Variants in HTR2B observed in about 807,000 individuals in gnomAD.
HTR2B encodes the protein 5-hydroxytryptamine receptor 2B, also known as 5-HT 2B receptor.
In HTR2B, 31 loss-of-function variants were observed where a neutral mutation model predicts 39.8. The ratio of observed to expected loss-of-function variants is 0.78; its 90% CI spans 0.58 to 1.05. The LOEUF is 1.05. Among genes scored for constraint, HTR2B ranks in the 50% least tolerant of loss-of-function variants. HTR2B has a pLI of 0.00. For missense variants in HTR2B, 562 were observed against 578.0 expected, an observed-to-expected ratio of 0.97 and a Z score of 0.28; for synonymous variants, 210 against 207.1, an observed-to-expected ratio of 1.01 and a Z score of -0.12.
chr2:231,117,516 G>A (rs911020767), intron 2 of HTR2B, among the ~76,000 whole-genome samples: 1 of 152,040 alleles, frequency 6.6e-6, no homozygotes, highest in Non-Finnish European at 1.5e-5. Flanking sequence ...GAATATTAAA[G>A]CAACAAAACA....
At chr2:231,114,557 C>T (rs1260453821) in intron 2 of HTR2B, among the ~76,000 whole-genome samples, 1 of 152,118 alleles carries the variant, frequency 6.6e-6, no homozygotes, top group East Asian at 1.9e-4. Flanking sequence ...GTTTCCCCTT[C>T]TATATTTCAT....
At chr2:231,113,621 G>T in intron 3 of HTR2B, 108 bp downstream of exon 3, 1 of 936,000 alleles carries the variant, frequency 1.1e-6, no homozygotes, top group Non-Finnish European at 1.8e-6. Context: ...CAGTAGGCTG[G>T]CTTGACCTCT....
Position 231,113,946 on chromosome 2 carries a change from C to T in HTR2B, c.353-17G>A. The T allele has an allele frequency of 6.2e-7, 1 of 1,604,074 alleles. No individual in the cohort carries two copies. The highest frequency in any genetic ancestry group is 1.3e-5 in the African/African-American group (1 of 74,802). ...ACATAGCCTCTGAAAGAAACAAAAA[C>T]AAGACAAACATTTTATTCTATAAAA... On this transcript the variant is annotated splice_polypyrimidine_tract_variant and intron_variant, in intron 2 of 3. Coordinates refer to ENST00000258400, the MANE Select transcript of HTR2B (RefSeq NM_000867.5).
At chr2:231,119,904 C>T (rs1052798299) in intron 2 of HTR2B, among the ~76,000 whole-genome samples, 3 of 148,448 alleles carry the variant, frequency 2.0e-5, no homozygotes, top group African/African-American at 7.4e-5. Flanking sequence ...TATAAATAAA[C>T]CAATAACACC....
At chr2:231,117,872 G>A (rs1352694958) in intron 2 of HTR2B, among the ~76,000 whole-genome samples, 1 of 152,096 alleles carries the variant, frequency 6.6e-6, no homozygotes, top group Non-Finnish European at 1.5e-5. Flanking sequence ...CCCTAGGGGG[G>A]AAAAAATTCT....
At position 231,123,692 on chromosome 2, in the gene HTR2B, G is replaced by C. The variant is rs761955519; in HGVS notation, c.73C>G (p.His25Asp). 6.2e-7 allele frequency: 1 copy of C among 1,614,084 alleles called. No homozygotes were observed. Among genetic ancestry groups the C allele is most frequent in the Admixed American group, 1.7e-5 (1 of 60,020 alleles). Residue 25 changes from histidine (H) to aspartate (D), a missense_variant, in exon 2 of 4, where the codon CAC becomes GAC. Transcript: ENST00000258400. ...CCAGACCAGTTAGAAGAGATAACGT[G>C]AACAAAGGTGCTCTGCAAAATGTGC... ...PEHILQSTFV[H>D]VISSNWSGLQ...
chr2:231,124,726 G>A (rs538064253), intron 1 of HTR2B, among the ~76,000 whole-genome samples: 2 of 152,078 alleles, frequency 1.3e-5, no homozygotes, highest in South Asian at 2.1e-4. Flanking sequence ...GTTTTAAGTA[G>A]TGTTTATTTT....
intron 2 of HTR2B, among the ~76,000 whole-genome samples, chr2:231,116,115 A>T (rs1251035676): frequency 6.6e-6 from 1 of 152,012 alleles, no homozygotes; most frequent in Non-Finnish European, 1.5e-5. Flanking sequence ...AATCAATTGG[A>T]TTTTCTCACT....
At chr2:231,110,982 A>G (rs1386532114) in intron 3 of HTR2B, among the ~76,000 whole-genome samples, 2 of 152,132 alleles carry the variant, frequency 1.3e-5, no homozygotes, top group African/African-American at 2.4e-5. Flanking sequence ...TTCTCCCCCA[A>G]AACACTTGCC....
intron 2 of HTR2B, among the ~76,000 whole-genome samples, chr2:231,114,527 A>G (rs1295553191): frequency 1.3e-5 from 2 of 152,216 alleles, no homozygotes; most frequent in Non-Finnish European, 2.9e-5. Flanking sequence ...GCTTCAGATT[A>G]TCCGGAAGAA....
chr2:231,115,381 G>C (rs1305590287), intron 2 of HTR2B, among the ~76,000 whole-genome samples: 1 of 151,942 alleles, frequency 6.6e-6, no homozygotes, highest in Admixed American at 6.6e-5. Flanking sequence ...TTCCAGAGTT[G>C]GTATGTGGCA....
rs1223609462 is a variant in HTR2B at position 231,108,696 on chromosome 2, C to T, written c.1267G>A (p.Glu423Lys). The T allele has an allele frequency of 6.2e-7, 1 of 1,614,106 alleles. No homozygotes were observed. Among genetic ancestry groups the T allele is most frequent in the East Asian group, 2.2e-5 (1 of 44,878 alleles). Residue 423 changes from glutamate to lysine, a missense_variant, in exon 4 of 4, where the codon GAG becomes AAG. Physicochemically the swap from Glu to Lys is moderately conservative, Grantham distance 56. Coordinates refer to ENST00000258400, the MANE Select transcript of HTR2B (RefSeq NM_000867.5). ...SKIYFRNPMA[E>K]NSKFFKKHGI... ...TGTTTCTTGAAAAACTTAGAGTTCTCTGCCATTGGATTCCGGAAGTAGATC... is the reference window on the plus strand; with the variant it reads ...TGTTTCTTGAAAAACTTAGAGTTCTTTGCCATTGGATTCCGGAAGTAGATC...
rs1372488192 is a variant in HTR2B at position 231,124,079 on chromosome 2, T to A, written c.-315A>T. ...ATTTTTAGTTTCTCTCTCTCTCTTT[T>A]TCTGCCGTAGTTGTAGAGTCGTGTT... On this transcript the variant is annotated 5_prime_UTR_variant, in exon 2 of 4. An upstream open reading frame in the 5' UTR gains an earlier in-frame stop. Coordinates refer to ENST00000258400, the MANE Select transcript of HTR2B (RefSeq NM_000867.5). 1 of 293,126 alleles carries A rather than the reference T, an allele frequency of 3.4e-6. No individual in the cohort carries two copies. The highest frequency in any genetic ancestry group is 4.6e-5 in the Admixed American group (1 of 21,940). The allele number at this position is 293,126 out of a possible 1,614,324, so 18.2% of individuals were successfully genotyped here. A position where few individuals can be genotyped will look rare whatever the true frequency, so the allele number is the denominator to read the frequency against.
chr2:231,108,756 T>C lies in HTR2B; in HGVS notation c.1207A>G (p.Lys403Glu), dbSNP rs1267234095. Reference sequence around the variant, plus strand: ...CGTTTTCTGAGAGTTTTTACTGACTTTGTGGCCCGGTAATTGCAGGTGATA... The same window carrying C: ...CGTTTTCTGAGAGTTTTTACTGACTCTGTGGCCCGGTAATTGCAGGTGATA... Reference protein sequence around the residue: ...RYITCNYRATKSVKTLRKRSS... With the variant: ...RYITCNYRATESVKTLRKRSS... The change falls in exon 4 of 4, where the codon AAG becomes GAG. Residue 403 changes from lysine (K) to glutamate (E), a missense_variant. By Grantham distance (56) the Lys-to-Glu change is moderately conservative. Transcript: ENST00000258400. The C allele has an allele frequency of 6.2e-7, 1 of 1,614,156 alleles. No homozygotes were observed. The highest frequency in any genetic ancestry group is 1.7e-5 in the Admixed American group (1 of 60,012).
Position 231,108,862 on chromosome 2 carries a change from C to T in HTR2B, c.1101G>A (p.Trp367Ter). 3 of 1,614,088 alleles carry T rather than the reference C, an allele frequency of 1.9e-6. No homozygotes were observed. The highest frequency in any genetic ancestry group is 2.5e-6 in the Non-Finnish European group (3 of 1,179,992). The part of the protein sequence containing the change: ...TLQMLLEIFV[W>*]IGYVSSGVNP... ...TCACTCCTGAGGAAACATAGCCTAT[C>T]CACACAAATATCTCCAGGAGCATTT... The change falls in exon 4 of 4, where the codon TGG (tryptophan) becomes TGA (stop). Residue 367 changes from tryptophan to a stop codon, truncating the protein, a stop_gained. Transcript: ENST00000258400. LOFTEE classifies it high-confidence loss of function.
At chr2:231,110,800 G>A (rs1335199480) in intron 3 of HTR2B, among the ~76,000 whole-genome samples, 5 of 152,186 alleles carry the variant, frequency 3.3e-5, no homozygotes, top group African/African-American at 1.2e-4. Context: ...CCATTTGTTA[G>A]TAACATATTG....
At position 231,114,309 on chromosome 2, in the gene HTR2B, T is replaced by A. The variant is rs1695258637; in HGVS notation, c.353-380A>T. Among the ~76,000 whole-genome samples, 4 of 152,174 alleles carry A rather than the reference T, an allele frequency of 2.6e-5. No individual in the cohort carries two copies. The South Asian group carries it at 8.3e-4, about 32-fold the overall frequency. ...AAAATTTATTTTTAAGTAGCTGTTG[T>A]ATAAAAAGAAAACATTTTACCATGT... On this transcript the variant is annotated intron_variant, in intron 2 of 3. Coordinates refer to ENST00000258400, the MANE Select transcript of HTR2B (RefSeq NM_000867.5).
At chr2:231,120,990 AT>A (rs1264560263) in intron 2 of HTR2B, among the ~76,000 whole-genome samples, 10 of 152,246 alleles carry the variant, frequency 6.6e-5, no homozygotes, top group Admixed American at 6.5e-4. Flanking sequence ...TCAGGTTTCC[AT>A]TTGTAATACA....
chr2:231,117,682 G>C (rs1182484845), intron 2 of HTR2B, among the ~76,000 whole-genome samples: 1 of 152,066 alleles, frequency 6.6e-6, no homozygotes, highest in South Asian at 2.1e-4. Flanking sequence ...ATTTTTATTT[G>C]TCTCCCAGAC....
Sources: allele counts gnomAD v4.1 joint callset (sites outside exome capture counted in the v4.1 genomes callset), GRCh38; gene constraint gnomAD v4.1.1; transcripts MANE v1.5; gene names NCBI Gene and HGNC (gene_info 2026-07-23, HGNC 2026-07-21).